Variants in CDH12 observed in about 807,000 individuals in gnomAD.
CDH12 encodes the protein cadherin 12.
A neutral mutation model predicts 74.1 loss-of-function variants in CDH12; 41 were observed. The ratio of observed to expected loss-of-function variants is 0.55; its 90% CI spans 0.43 to 0.72. The LOEUF (loss-of-function observed/expected upper bound fraction) is 0.72. Among genes scored for constraint, CDH12 ranks in the 30% least tolerant of loss-of-function variants. The pLI is 0.00. For synonymous variants in CDH12, 399 were observed against 355.0 expected, an observed-to-expected ratio of 1.12 and a Z score of -1.39; for missense variants, 945 against 977.2, an observed-to-expected ratio of 0.97 and a Z score of 0.44.
intron 1 of CDH12, among the ~76,000 whole-genome samples, chr5:22,644,951 A>T (rs1043051248): frequency 5.3e-5 from 8 of 152,046 alleles, no homozygotes; most frequent in African/African-American, 1.9e-4. Context: ...TGATTTACTA[A>T]ATATTTTAAG....
rs1193077466 is a variant in CDH12 at position 22,698,676 on chromosome 5, GATATATATATATATAT to G, written c.-523+154366_-523+154381del. Among the ~76,000 whole-genome samples, 272 of 30,934 alleles carry G rather than the reference GATATATATATATATAT, an allele frequency of 8.8e-3. 8 individuals carry two copies. Among genetic ancestry groups the G allele is most frequent in the Middle Eastern group, 0.026 (1 of 38 alleles). The allele number at this position is 30,934 out of a possible 152,430, so 20.3% of individuals were successfully genotyped here. A position where few individuals can be genotyped will look rare whatever the true frequency, so the allele number is the denominator to read the frequency against. ...TACATTTAGCTGCATTCAATCCCCA[GATATATATATATATAT>G]ATATATATATATATATATATATATA... On this transcript the variant is annotated intron_variant, in intron 1 of 14. Transcript: ENST00000382254.
At chr5:22,218,688 C>T (rs963264632) in intron 3 of CDH12, among the ~76,000 whole-genome samples, 2 of 151,526 alleles carry the variant, frequency 1.3e-5, no homozygotes, top group Non-Finnish European at 3.0e-5. Flanking sequence ...CAAAACCCAT[C>T]TAATTTGCAA....
chr5:22,463,320 T>G (rs111657104), intron 2 of CDH12, among the ~76,000 whole-genome samples: 455 of 152,314 alleles, frequency 3.0e-3, no homozygotes, highest in African/African-American at 9.9e-3. Context: ...TAATTCATTT[T>G]CTAAAAGCCT....
intron 7 of CDH12, among the ~76,000 whole-genome samples, chr5:21,844,200 T>G (rs764106002): frequency 6.6e-6 from 1 of 152,136 alleles, no homozygotes; most frequent in Non-Finnish European, 1.5e-5. Context: ...AATCATTTTT[T>G]GCTTAATTGT....
intron 6 of CDH12, among the ~76,000 whole-genome samples, chr5:21,927,731 G>A (rs924627727): frequency 6.6e-6 from 1 of 152,052 alleles, no homozygotes; most frequent in African/African-American, 2.4e-5. Flanking sequence ...GGATTCAGAT[G>A]CTTGCAATTG....
At chr5:22,325,873 A>C (rs998266107) in intron 3 of CDH12, among the ~76,000 whole-genome samples, 1 of 152,006 alleles carries the variant, frequency 6.6e-6, no homozygotes, top group African/African-American at 2.4e-5. Context: ...ACGCCACTGC[A>C]CTCCAGCCTG....
chr5:22,184,857 T>A (rs935204449), intron 4 of CDH12, among the ~76,000 whole-genome samples: 22 of 152,280 alleles, frequency 1.4e-4, no homozygotes, highest in African/African-American at 2.4e-4. Context: ...GTCATTTTTT[T>A]AAAAAACTTT....
At position 22,624,704 on chromosome 5, in the gene CDH12, A is replaced by T. The variant is rs144167235; in HGVS notation, c.-522-119340T>A. Among the ~76,000 whole-genome samples, 389 of 152,314 alleles carry T rather than the reference A, an allele frequency of 2.6e-3. 2 individuals carry two copies. The highest frequency in any genetic ancestry group is 8.9e-3 in the African/African-American group (369 of 41,578). ...TGGAGAAACAGGAACACTTTTACAC[A>T]GTTGGTGGGATTGTAAACTAGTTCA... is the stretch of plus-strand genomic sequence containing the variant. On this transcript the variant is annotated intron_variant, in intron 1 of 14. Coordinates refer to ENST00000382254, the MANE Select transcript of CDH12 (RefSeq NM_004061.5).
intron 8 of CDH12, among the ~76,000 whole-genome samples, chr5:21,825,298 T>A (rs1428419177): frequency 6.6e-6 from 1 of 152,168 alleles, no homozygotes; most frequent in Non-Finnish European, 1.5e-5. Context: ...TATGTTAGCT[T>A]TATAGTGCAT....
At chr5:22,568,769 C>T (rs1390891219) in intron 1 of CDH12, among the ~76,000 whole-genome samples, 2 of 152,030 alleles carry the variant, frequency 1.3e-5, no homozygotes, top group African/African-American at 4.8e-5. Context: ...TTTTTGGTTT[C>T]CTAGTTCATA....
At chr5:22,184,790 A>G (rs1749839765) in intron 4 of CDH12, among the ~76,000 whole-genome samples, 1 of 152,160 alleles carries the variant, frequency 6.6e-6, no homozygotes, top group African/African-American at 2.4e-5. Context: ...CAGACTCTTC[A>G]TTTCTCCATG....
At chr5:22,155,959 T>C (rs1181729166) in intron 4 of CDH12, among the ~76,000 whole-genome samples, 3 of 152,156 alleles carry the variant, frequency 2.0e-5, no homozygotes, top group African/African-American at 4.8e-5. Context: ...CTTATTACTC[T>C]GCTTCCTTAG....
At chr5:21,934,580 C>T (rs972124108) in intron 6 of CDH12, among the ~76,000 whole-genome samples, 4 of 152,104 alleles carry the variant, frequency 2.6e-5, no homozygotes, top group African/African-American at 4.8e-5. Context: ...ATATGCACTT[C>T]CATACATATA....
chr5:22,038,292 C>A (rs2150180671), intron 5 of CDH12, among the ~76,000 whole-genome samples: 2 of 152,280 alleles, frequency 1.3e-5, no homozygotes, highest in Non-Finnish European at 2.9e-5. Context: ...ATAGACCCTA[C>A]CCTGTGGGGC....
At chr5:22,220,705 A>G (rs1580418597) in intron 3 of CDH12, among the ~76,000 whole-genome samples, 2 of 151,854 alleles carry the variant, frequency 1.3e-5, no homozygotes, top group Admixed American at 6.6e-5. Flanking sequence ...AGATAGCTAC[A>G]TAAAATTGAG....
chr5:22,171,803 A>G (rs1749046156), intron 4 of CDH12, among the ~76,000 whole-genome samples: 1 of 151,996 alleles, frequency 6.6e-6, no homozygotes, highest in Non-Finnish European at 1.5e-5. Flanking sequence ...CCCTTTGCTC[A>G]AGAAAGTGGA....
At chr5:22,773,910 A>C (rs936085103) in intron 1 of CDH12, among the ~76,000 whole-genome samples, 1 of 152,200 alleles carries the variant, frequency 6.6e-6, no homozygotes, top group Non-Finnish European at 1.5e-5. Context: ...ACTATCAGAG[A>C]AATGCAAATC....
chr5:21,800,667 T>C (rs928558385), intron 10 of CDH12, among the ~76,000 whole-genome samples: 3 of 152,168 alleles, frequency 2.0e-5, no homozygotes, highest in African/African-American at 7.2e-5. Flanking sequence ...TCCAGTGATA[T>C]GGTTTGGCTC....
chr5:21,895,993 T>C (rs1331961726), intron 6 of CDH12, among the ~76,000 whole-genome samples: 1 of 152,158 alleles, frequency 6.6e-6, no homozygotes, highest in Non-Finnish European at 1.5e-5. Context: ...TTCCCTTCCC[T>C]TGGGAGCTAG....
Sources: gnomAD v4.1 joint callset for allele counts (sites outside exome capture counted in the v4.1 genomes callset) on GRCh38, gnomAD v4.1.1 for gene constraint, MANE v1.5 for transcripts, NCBI Gene and HGNC (gene_info 2026-07-23, HGNC 2026-07-21) for gene names.